MAPDA: variants seen among roughly 807,000 people sequenced by gnomAD.
The protein encoded by MAPDA is N6,N6-dimethyl-AMP deaminase.
chr15:43,350,506 C>T, the MAPDA span, among the ~76,000 whole-genome samples: 39 of 152,268 alleles, frequency 2.6e-4, no homozygotes, highest in East Asian at 7.2e-3. Flanking sequence ...TCATTCTTAG[C>T]TCTTTATAAT....
chr15:43,346,059 A>C, the MAPDA span: 1 of 1,572,514 alleles, frequency 6.4e-7, no homozygotes, highest in Non-Finnish European at 8.7e-7. Context: ...GGCATCTTGC[A>C]TTGCATTCTC....
chr15:43,330,750 C>A, the MAPDA span: 4 of 408,312 alleles, frequency 9.8e-6, no homozygotes, highest in Non-Finnish European at 1.3e-5. Context: ...ATACGGTCCG[C>A]TACCGCTGTG....
At chr15:43,333,776 C>A in the MAPDA span, among the ~76,000 whole-genome samples, 2 of 152,212 alleles carry the variant, frequency 1.3e-5, no homozygotes, top group Non-Finnish European at 2.9e-5. Context: ...TGTCACATAC[C>A]TGTTAGGTTC....
At chr15:43,336,447 AAT>A in the MAPDA span, among the ~76,000 whole-genome samples, 1 of 85,270 alleles carries the variant, frequency 1.2e-5, no homozygotes, top group Non-Finnish European at 1.9e-5. Flanking sequence ...AAATATCAGT[AAT>A]GTTTTATTTT....
At chr15:43,348,832 A>G in the MAPDA span, 2 of 1,475,612 alleles carry the variant, frequency 1.4e-6, no homozygotes, top group Non-Finnish European at 1.8e-6. Flanking sequence ...GGGGCAGGGT[A>G]CCTAGCTATA....
chr15:43,343,040 A>G, the MAPDA span: 3 of 1,590,182 alleles, frequency 1.9e-6, no homozygotes, highest in Admixed American at 1.8e-5. Flanking sequence ...AAGGTATAAA[A>G]CAGTCCAAAC....
the MAPDA span, chr15:43,335,891 A>G: frequency 2.6e-6 from 4 of 1,552,238 alleles, no homozygotes; most frequent in Non-Finnish European, 3.5e-6. Context: ...GATTGTAAGT[A>G]GTATGTAAGA....
the MAPDA span, among the ~76,000 whole-genome samples, chr15:43,349,988 A>G: frequency 6.6e-6 from 1 of 152,162 alleles, no homozygotes; most frequent in East Asian, 1.9e-4. Context: ...AGATACCATC[A>G]ATCAAGTCAG....
the MAPDA span, chr15:43,349,077 ACTCT>A: frequency 6.2e-7 from 1 of 1,613,606 alleles, no homozygotes; most frequent in Non-Finnish European, 8.5e-7. Context: ...CTTCCAGATG[ACTCT>A]CTGTCTCTCC....
At chr15:43,335,891 A>T in the MAPDA span, 7 of 1,552,238 alleles carry the variant, frequency 4.5e-6, no homozygotes, top group Non-Finnish European at 5.2e-6. Context: ...GATTGTAAGT[A>T]GTATGTAAGA....
At chr15:43,344,907 G>A in the MAPDA span, among the ~76,000 whole-genome samples, 2 of 151,408 alleles carry the variant, frequency 1.3e-5, 1 homozygote, top group African/African-American at 4.9e-5. Flanking sequence ...TCAGATATTT[G>A]ATACATTTTA....
chr15:43,330,500 G>A, the MAPDA span: 22 of 1,514,670 alleles, frequency 1.5e-5, no homozygotes, highest in South Asian at 1.9e-4. Context: ...GGCCAGAAGA[G>A]ACTCAGGAAT....
At chr15:43,351,333 C>CA in the MAPDA span, 39,317 of 232,326 alleles carry the variant, frequency 0.17, 2,408 homozygotes, top group Middle Eastern at 0.22. Flanking sequence ...TCTCACAAAG[C>CA]AAAAAAAAAA....
the MAPDA span, chr15:43,346,950 G>A: frequency 1.7e-6 from 2 of 1,186,902 alleles, no homozygotes; most frequent in African/African-American, 1.5e-5. Flanking sequence ...TTATTGGAAT[G>A]GAGTACTCAG....
chr15:43,340,717 A>G, the MAPDA span, among the ~76,000 whole-genome samples: 9 of 152,298 alleles, frequency 5.9e-5, no homozygotes, highest in East Asian at 7.7e-4. Context: ...AGTTATTCTT[A>G]AGTAAAAAGT....
chr15:43,334,209 T>C, the MAPDA span, among the ~76,000 whole-genome samples: 1 of 152,196 alleles, frequency 6.6e-6, no homozygotes, highest in South Asian at 2.1e-4. Context: ...ACTGAAGCCA[T>C]GAAGGTGAGT....
chr15:43,350,935 A>G, the MAPDA span: 4 of 1,550,584 alleles, frequency 2.6e-6, no homozygotes, highest in Non-Finnish European at 1.7e-6. Context: ...TCCCCTTTTC[A>G]TCTAGAACTC....
chr15:43,352,249 T>A, the MAPDA span: 1 of 256,054 alleles, frequency 3.9e-6, no homozygotes, highest in Non-Finnish European at 7.3e-6. Context: ...GAAATCGAAG[T>A]TTCTCATCAG....
the MAPDA span, among the ~76,000 whole-genome samples, chr15:43,331,661 G>A: frequency 6.6e-6 from 1 of 152,142 alleles, no homozygotes; most frequent in African/African-American, 2.4e-5. Flanking sequence ...ATAAAGATTC[G>A]GTAATTGAAA....
Sources: gnomAD v4.1 joint callset for allele counts (sites outside exome capture counted in the v4.1 genomes callset) on GRCh38, gnomAD v4.1.1 for gene constraint, MANE v1.5 for transcripts, NCBI Gene and HGNC (gene_info 2026-07-23, HGNC 2026-07-21) for gene names.